The following OR10H1 variants were observed in gnomAD, a reference collection of about 807,000 sequenced individuals.
The protein encoded by OR10H1 is olfactory receptor family 10 subfamily H member 1, also known as olfactory receptor 10H1.
OR10H1 carries 12 observed loss-of-function variants against 13.1 expected under a neutral mutation model. The observed-to-expected ratio is 0.92, with a 90% CI of 0.59 to 1.48. OR10H1 has a LOEUF of 1.48. Among genes scored for constraint, OR10H1 ranks in the 40% most tolerant of loss-of-function variants. OR10H1 has a pLI of 0.00. For missense variants in OR10H1, 363 were observed against 413.1 expected, an observed-to-expected ratio of 0.88 and a Z score of 1.05; for synonymous variants, 168 against 175.6, an observed-to-expected ratio of 0.96 and a Z score of 0.34.
chr19:15,814,820 C>T (rs2144947160), intron 1 of OR10H1, among the ~76,000 whole-genome samples: 1 of 152,262 alleles, frequency 6.6e-6, no homozygotes, highest in East Asian at 1.9e-4. Context: ...TGATTCTTTA[C>T]ACCCTGGGGT....
rs1374520580 is a variant in OR10H1 at position 15,806,347 on chromosome 19, A to T, written c.*734T>A. On this transcript the variant is annotated 3_prime_UTR_variant, in exon 4 of 4. Transcript: ENST00000641419. ...TGTTTATAATTGTATGTCGTCTACA[A>T]GGTCCCTTGTAAACCTTAAAGCATG... 1 of 152,246 alleles carries T rather than the reference A, an allele frequency of 6.6e-6. No homozygotes were observed. Among genetic ancestry groups the T allele is most frequent in the Non-Finnish European group, 1.5e-5 (1 of 68,048 alleles). 9.4% of individuals were successfully genotyped at this position (152,246 alleles called of 1,614,324 possible). A position where few individuals can be genotyped will look rare whatever the true frequency, so the allele number is the denominator to read the frequency against.
At position 15,806,849 on chromosome 19, in the gene OR10H1, C is replaced by T. The variant is rs963675502; in HGVS notation, c.*232G>A. 4.2e-6 allele frequency: 2 copies of T among 481,420 alleles called. No individual in the cohort carries two copies. The highest frequency in any genetic ancestry group is 3.9e-5 in the African/African-American group (2 of 51,200). 29.8% of individuals were successfully genotyped at this position (481,420 alleles called of 1,614,324 possible). A position where few individuals can be genotyped will look rare whatever the true frequency, so the allele number is the denominator to read the frequency against. ...TCAAGCGATTCTTATGCCTCAGCCTCCCAAGTAGCTAGGGTTACAGGCATG... is the reference window on the plus strand; with the variant it reads ...TCAAGCGATTCTTATGCCTCAGCCTTCCAAGTAGCTAGGGTTACAGGCATG... On this transcript the variant is annotated 3_prime_UTR_variant, in exon 4 of 4. Transcript: ENST00000641419.
chr19:15,807,658 C>T lies in OR10H1; in HGVS notation c.380G>A (p.Cys127Tyr). The T allele has an allele frequency of 6.2e-7, 1 of 1,614,064 alleles. No homozygotes were observed. ...VMGYDRYVAI[C>Y]HPLRYNVLMS... ...GAGCACGTTGTAGCGCAGGGGGTGG[C>T]AGATGGCCACGTAGCGGTCGTAGCC... Residue 127 changes from cysteine to tyrosine, a missense_variant, in exon 4 of 4, where the codon TGC becomes TAC. Transcript: ENST00000641419.
In OR10H1 at chr19:15,807,128, T is replaced by G. The variant is rs776282479; in HGVS notation, c.910A>C (p.Lys304Gln). The G allele has an allele frequency of 1.2e-6, 2 of 1,614,138 alleles. No individual in the cohort carries two copies. Among genetic ancestry groups the G allele is most frequent in the Non-Finnish European group, 1.7e-6 (2 of 1,180,016 alleles). Residue 304 changes from lysine to glutamine, a missense_variant, in exon 4 of 4, where the codon AAG becomes CAG. Lys to Gln is a moderately conservative substitution (Grantham distance 53). This residue lies in a region of OR10H1 where 42 missense variants were observed against 30.3 expected (regional missense o/e 1.39). Transcript: ENST00000641419. ...GGGTAGAGTTTACTGAAGAAGGTCTTCTTCATGGCGACCTTCAGCTCCTTG... is the reference window on the plus strand; with the variant it reads ...GGGTAGAGTTTACTGAAGAAGGTCTGCTTCATGGCGACCTTCAGCTCCTTG... ...RNKELKVAMKKTFFSKLYPEK... is the reference protein window; with the variant it reads ...RNKELKVAMKQTFFSKLYPEK...
At position 15,805,359 on chromosome 19, in the gene OR10H1, T is replaced by C. The variant is rs1427718906; in HGVS notation, c.*1722A>G. ...CATAGCTCAAACACAGGAAGACCTA[T>C]TGTCAATAAATATATAAATACTATA... is the stretch of plus-strand genomic sequence containing the variant. On this transcript the variant is annotated 3_prime_UTR_variant, in exon 4 of 4. Coordinates refer to ENST00000641419, the MANE Select transcript of OR10H1 (RefSeq NM_013940.4). 1.3e-5 allele frequency: 2 copies of C among 152,064 alleles called. No homozygotes were observed. The highest frequency in any genetic ancestry group is 2.9e-5 in the Non-Finnish European group (2 of 68,022). The allele number at this position is 152,064 out of a possible 1,614,324, so 9.4% of individuals were successfully genotyped here. A position where few individuals can be genotyped will look rare whatever the true frequency, so the allele number is the denominator to read the frequency against.
chr19:15,811,679 C>T (rs1299758167), intron 2 of OR10H1, among the ~76,000 whole-genome samples: 2 of 152,148 alleles, frequency 1.3e-5, no homozygotes, highest in Non-Finnish European at 2.9e-5. Flanking sequence ...TTAGATGTCA[C>T]CTCTTCCATG....
intron 1 of OR10H1, among the ~76,000 whole-genome samples, chr19:15,814,490 AGAGAGAGAGAGAGAGAGAGAG>A (rs2088955396): frequency 2.1e-5 from 1 of 47,220 alleles, no homozygotes; most frequent in African/African-American, 9.6e-5. Context: ...TGAGAGAGAG[AGAGAGAGAGAGAGAGAGAGAG>A]AGAGAGAGAG....
Position 15,805,858 on chromosome 19 carries a change from T to G in OR10H1, c.*1223A>C, listed in dbSNP as rs2088893280. On this transcript the variant is annotated 3_prime_UTR_variant, in exon 4 of 4. Transcript: ENST00000641419. ...TAACACAGCATTCGGTATCTCACAG[T>G]GTGACTTTTTTCCTTGATCCAACCA... is the stretch of plus-strand genomic sequence containing the variant. 6.6e-6 allele frequency: 1 copy of G among 152,124 alleles called. No homozygotes were observed. The highest frequency in any genetic ancestry group is 1.5e-5 in the Non-Finnish European group (1 of 68,044). The allele number at this position is 152,124 out of a possible 1,614,324, so 9.4% of individuals were successfully genotyped here. A position where few individuals can be genotyped will look rare whatever the true frequency, so the allele number is the denominator to read the frequency against.
intron 1 of OR10H1, among the ~76,000 whole-genome samples, chr19:15,814,445 T>TTGTGTGTGTGTGTG (rs148400110): frequency 2.0e-5 from 2 of 102,062 alleles, no homozygotes; most frequent in East Asian, 4.8e-4. Flanking sequence ...GACGCCTCCC[T>TTGTGTGTGTGTGTG]TGTGTGTGTG....
In OR10H1 at chr19:15,807,697, A is replaced by C. The variant is rs750301120; in HGVS notation, c.341T>G (p.Leu114Arg). The C allele has an allele frequency of 6.2e-7, 1 of 1,613,878 alleles. No homozygotes were observed. The highest frequency in any genetic ancestry group is 1.3e-5 in the African/African-American group (1 of 74,932). Residue 114 changes from leucine to arginine, a missense_variant, in exon 4 of 4, where the codon CTG becomes CGG. By Grantham distance (102) the Leu-to-Arg change is moderately radical. This residue lies in a region of OR10H1 where 318 missense variants were observed against 366.6 expected (regional missense o/e 0.87). Transcript: ENST00000641419. The stretch of plus-strand genomic sequence containing the variant: ...GCGGTCGTAGCCCATGACGGTGAGC[A>C]GGAAGGAGTGGGTGAAGCCGAAGCT... ...SFSFGFTHSF[L>R]LTVMGYDRYV... is the part of the protein sequence containing the mutation.
chr19:15,806,867 C>T lies in OR10H1; in HGVS notation c.*214G>A. On this transcript the variant is annotated 3_prime_UTR_variant, in exon 4 of 4. Transcript: ENST00000641419. The stretch of plus-strand genomic sequence containing the variant: ...TCAGCCTCCCAAGTAGCTAGGGTTA[C>T]AGGCATGTGCCAACATGCCTGGCTA... 1.9e-6 allele frequency: 1 copy of T among 522,700 alleles called. No homozygotes were observed. The highest frequency in any genetic ancestry group is 2.1e-5 in the South Asian group (1 of 46,910). The allele number at this position is 522,700 out of a possible 1,614,324, so 32.4% of individuals were successfully genotyped here.
In OR10H1 at chr19:15,810,925, A is replaced by G. The variant is rs369110911; in HGVS notation, c.-129+1305T>C. On this transcript the variant is annotated intron_variant, in intron 2 of 3. Transcript: ENST00000641419. Reference sequence around the variant, plus strand: ...AAAATAAAGAAAAGAAAATAAATAAATAAATAGGTAAATTTCAGGTTGTAT... The same window carrying G: ...AAAATAAAGAAAAGAAAATAAATAAGTAAATAGGTAAATTTCAGGTTGTAT... Among the ~76,000 whole-genome samples the G allele has an allele frequency of 2.5e-3, 384 of 152,226 alleles. 1 individual carries two copies. The highest frequency in any genetic ancestry group is 8.7e-3 in the African/African-American group (363 of 41,556).
In OR10H1 at chr19:15,807,579, C is replaced by A; in HGVS notation, c.459G>T (p.Leu153Phe). 6.2e-7 allele frequency: 1 copy of A among 1,614,240 alleles called. No individual in the cohort carries two copies. Residue 153 changes from leucine (L) to phenylalanine (F), a missense_variant, in exon 4 of 4, where the codon TTG becomes TTT. By Grantham distance (22) the Leu-to-Phe change is conservative (BLOSUM62 0). Coordinates refer to ENST00000641419, the MANE Select transcript of OR10H1 (RefSeq NM_013940.4). ...CCGAGGTCACCACCATCCCCATGAC[C>A]AAGCCACCAGCCCAGGAGCAGCCCA... is the stretch of plus-strand genomic sequence containing the variant. Reference protein sequence around the residue: ...CLVGCSWAGGLVMGMVVTSAI... With the variant: ...CLVGCSWAGGFVMGMVVTSAI...
intron 1 of OR10H1, among the ~76,000 whole-genome samples, chr19:15,813,814 G>C (rs1369479106): frequency 6.7e-6 from 1 of 149,484 alleles, no homozygotes; most frequent in Non-Finnish European, 1.5e-5. Flanking sequence ...AGAGAAGGGT[G>C]GGGAGAGAGA....
intron 1 of OR10H1, among the ~76,000 whole-genome samples, chr19:15,813,516 CAGAGAG>C (rs146495989): frequency 2.5e-5 from 3 of 119,410 alleles, no homozygotes; most frequent in African/African-American, 6.6e-5. Flanking sequence ...GAGGGAGAAA[CAGAGAG>C]AGAGAGGTGG....
rs2088885128 is a variant in OR10H1, at chr19:15,804,560, T to G, written c.*2521A>C. The G allele has an allele frequency of 9.5e-6, 1 of 105,094 alleles. No homozygotes were observed. Among genetic ancestry groups the G allele is most frequent in the Non-Finnish European group, 2.3e-5 (1 of 43,864 alleles). The allele number at this position is 105,094 out of a possible 1,614,324, so 6.5% of individuals were successfully genotyped here. Reference sequence around the variant, plus strand: ...CCCTACAAAGGACATGAACTCATCATTTTTTATGGCTGCATAGTATTCCAT... The same window carrying G: ...CCCTACAAAGGACATGAACTCATCAGTTTTTATGGCTGCATAGTATTCCAT... On this transcript the variant is annotated 3_prime_UTR_variant, in exon 4 of 4. Coordinates refer to ENST00000641419, the MANE Select transcript of OR10H1 (RefSeq NM_013940.4).
intron 2 of OR10H1, among the ~76,000 whole-genome samples, chr19:15,809,047 C>A (rs2088919182): frequency 6.6e-6 from 1 of 152,030 alleles, no homozygotes; most frequent in Non-Finnish European, 1.5e-5. Context: ...CTGAACCAAC[C>A]AGACTTCCTC....
chr19:15,809,261 A>ATTAT (rs35567686), intron 2 of OR10H1, among the ~76,000 whole-genome samples: 9,260 of 130,336 alleles, frequency 0.071, 325 homozygotes, highest in Middle Eastern at 0.1. Context: ...TTGTGTAATG[A>ATTAT]TTATTTATTT....
At chr19:15,811,007 T>C (rs1419801807) in intron 2 of OR10H1, among the ~76,000 whole-genome samples, 1 of 152,172 alleles carries the variant, frequency 6.6e-6, no homozygotes, top group Non-Finnish European at 1.5e-5. Context: ...TCCCTTTAAG[T>C]GGGCTCAGGT....
Sources: gnomAD v4.1 joint callset for allele counts (sites outside exome capture counted in the v4.1 genomes callset) on GRCh38, gnomAD v4.1.1 for gene constraint, gnomAD v4.1.1 regional missense constraint, MANE v1.5 for transcripts, NCBI Gene and HGNC (gene_info 2026-07-23, HGNC 2026-07-21) for gene names.